The following NAALADL2 variants were observed in gnomAD, a reference collection of about 807,000 sequenced individuals.
NAALADL2 encodes N-acetylated alpha-linked acidic dipeptidase like 2, also known as inactive N-acetylated-alpha-linked acidic dipeptidase-like protein 2.
NAALADL2 carries 76 observed loss-of-function variants against 87.2 expected under a neutral mutation model. The ratio of observed to expected loss-of-function variants is 0.87; its 90% CI spans 0.72 to 1.05. The LOEUF is 1.05. Among genes scored for constraint, NAALADL2 ranks in the 50% least tolerant of loss-of-function variants. The pLI is 0.00. For missense variants in NAALADL2, 1,089 were observed against 945.8 expected (o/e 1.15, Z -1.99); for synonymous variants, 354 against 331.0 (o/e 1.07, Z -0.75).
At chr3:174,618,063 C>T (rs1720643759) in intron 2 of NAALADL2, among the ~76,000 whole-genome samples, 1 of 151,678 alleles carries the variant, frequency 6.6e-6, no homozygotes, top group South Asian at 2.1e-4. Context: ...AAAACCAGAG[C>T]TGACTATCTA....
At chr3:175,136,999 C>G (rs892095539) in intron 2 of NAALADL2, among the ~76,000 whole-genome samples, 1 of 152,016 alleles carries the variant, frequency 6.6e-6, no homozygotes, top group Non-Finnish European at 1.5e-5. Flanking sequence ...TTGATAAACC[C>G]CCAATTAAAC....
chr3:174,654,350 A>G (rs1724690579), intron 2 of NAALADL2, among the ~76,000 whole-genome samples: 1 of 152,164 alleles, frequency 6.6e-6, no homozygotes, highest in African/African-American at 2.4e-5. Context: ...TTTTAAAAAT[A>G]AAGATTAATT....
At chr3:175,277,563 A>G (rs954573469) in intron 4 of NAALADL2, among the ~76,000 whole-genome samples, 2 of 152,162 alleles carry the variant, frequency 1.3e-5, no homozygotes, top group Non-Finnish European at 2.9e-5. Flanking sequence ...ATTTTCCAGT[A>G]TAACCTTCAT....
chr3:175,559,727 G>C (rs967779549), intron 9 of NAALADL2, among the ~76,000 whole-genome samples: 5 of 152,120 alleles, frequency 3.3e-5, no homozygotes, highest in African/African-American at 1.2e-4. Context: ...CTGTTGAAAT[G>C]GTGTATCACA....
At chr3:175,319,693 G>A (rs1025937884) in intron 4 of NAALADL2, among the ~76,000 whole-genome samples, 3 of 152,116 alleles carry the variant, frequency 2.0e-5, no homozygotes, top group East Asian at 1.9e-4. Context: ...GGTGGTGCGC[G>A]CCTGTAATCC....
At chr3:175,015,986 G>A (rs1203278567) in intron 1 of NAALADL2, among the ~76,000 whole-genome samples, 2 of 151,422 alleles carry the variant, frequency 1.3e-5, no homozygotes, top group Admixed American at 6.6e-5. Context: ...TGTTTTGGGG[G>A]GAGGAACCTT....
chr3:175,807,414 T>C lies in NAALADL2; in HGVS notation c.*4211T>C, dbSNP rs1460428785. 2 of 152,048 alleles carry C rather than the reference T, an allele frequency of 1.3e-5. No homozygotes were observed. Among genetic ancestry groups the C allele is most frequent in the South Asian group, 4.1e-4 (2 of 4,830 alleles). 9.4% of individuals were successfully genotyped at this position (152,048 alleles called of 1,614,324 possible). On this transcript the variant is annotated 3_prime_UTR_variant, in exon 14 of 14. Transcript: ENST00000454872. ...TGAAAATCTATAATTATTTGTATGA[T>C]AAATTGGTAGACCTAGCCAAAAATG... is the stretch of plus-strand genomic sequence containing the variant.
chr3:175,279,429 C>T (rs1753991137), intron 4 of NAALADL2, among the ~76,000 whole-genome samples: 1 of 151,938 alleles, frequency 6.6e-6, no homozygotes, highest in Admixed American at 6.6e-5. Flanking sequence ...ATTTTGGATT[C>T]ACATGTAGAG....
intron 3 of NAALADL2, among the ~76,000 whole-genome samples, chr3:175,237,643 A>T (rs912181369): frequency 1.8e-4 from 28 of 151,520 alleles, no homozygotes; most frequent in African/African-American, 6.8e-4. Flanking sequence ...CCTCTTCTTT[A>T]TTTTTTTTCT....
chr3:174,992,073 T>G (rs1404054470), intron 1 of NAALADL2, among the ~76,000 whole-genome samples: 4 of 152,186 alleles, frequency 2.6e-5, no homozygotes, highest in African/African-American at 9.6e-5. Context: ...TTACTTTTGG[T>G]ATCTAGTGAC....
At chr3:174,938,356 T>A (rs962758577) in intron 1 of NAALADL2, among the ~76,000 whole-genome samples, 5 of 152,110 alleles carry the variant, frequency 3.3e-5, no homozygotes, top group African/African-American at 1.2e-4. Context: ...AGACGTGATC[T>A]CCTTCCTTTC....
chr3:174,535,151 A>G (rs180973330), intron 1 of NAALADL2, among the ~76,000 whole-genome samples: 30 of 152,316 alleles, frequency 2.0e-4, no homozygotes, highest in Admixed American at 1.4e-3. Context: ...AAAATTAACC[A>G]TTGACTAGCA....
At chr3:174,664,629 A>T (rs1480281551) in intron 2 of NAALADL2, among the ~76,000 whole-genome samples, 1 of 152,210 alleles carries the variant, frequency 6.6e-6, no homozygotes, top group Non-Finnish European at 1.5e-5. Flanking sequence ...CATATGTTGT[A>T]GTGGTTATCC....
At chr3:174,473,999 C>A (rs1289109480) in intron 1 of NAALADL2, among the ~76,000 whole-genome samples, 2 of 152,070 alleles carry the variant, frequency 1.3e-5, no homozygotes, top group African/African-American at 4.8e-5. Context: ...GGGGAAATGC[C>A]AGATGCTTAT....
intron 10 of NAALADL2, among the ~76,000 whole-genome samples, chr3:175,620,288 C>T (rs982209576): frequency 1.3e-5 from 2 of 152,140 alleles, no homozygotes; most frequent in Non-Finnish European, 2.9e-5. Context: ...AGCTCTTGCT[C>T]GCTGGGATTC....
chr3:175,043,101 G>A (rs1754269378), intron 1 of NAALADL2, among the ~76,000 whole-genome samples: 1 of 152,076 alleles, frequency 6.6e-6, no homozygotes, highest in South Asian at 2.1e-4. Flanking sequence ...AGAATCAGAA[G>A]GCCAATAAAA....
rs1752577493 is a variant in NAALADL2, at chr3:175,789,962, A to T, written c.2190-13043A>T. On this transcript the variant is annotated intron_variant, in intron 13 of 13. Coordinates refer to ENST00000454872, the MANE Select transcript of NAALADL2 (RefSeq NM_207015.3). The stretch of plus-strand genomic sequence containing the variant: ...GGATTGGGCAATTGTTTAAACACAT[A>T]GTGACAACAGAGTCTAGAGCATCTA... Among the ~76,000 whole-genome samples the T allele has an allele frequency of 2.6e-5, 4 of 152,172 alleles. No homozygotes were observed. The South Asian group carries it at 8.3e-4, about 31-fold the overall frequency.
intron 9 of NAALADL2, among the ~76,000 whole-genome samples, chr3:175,515,004 C>T (rs1034244555): frequency 6.6e-6 from 1 of 152,142 alleles, no homozygotes; most frequent in Non-Finnish European, 1.5e-5. Flanking sequence ...CCAAGAAATT[C>T]TGAGATATGG....
At chr3:175,697,804 TATATTTATGTATGTATAC>T (rs1738080292) in intron 11 of NAALADL2, among the ~76,000 whole-genome samples, 1 of 143,428 alleles carries the variant, frequency 7.0e-6, no homozygotes, top group African/African-American at 2.6e-5. Context: ...TATATGTATA[TATATTTATGTATGTATAC>T]ATATATATGT....
Sources: allele counts gnomAD v4.1 joint callset (sites outside exome capture counted in the v4.1 genomes callset), GRCh38; gene constraint gnomAD v4.1.1; transcripts MANE v1.5; gene names NCBI Gene and HGNC (gene_info 2026-07-23, HGNC 2026-07-21).